BICC1: variants seen among roughly 807,000 people sequenced by gnomAD.
The protein encoded by BICC1 is BicC family RNA binding protein 1.
Under a neutral mutation model 111.0 loss-of-function variants are expected in BICC1, and 43 were observed. The observed-to-expected ratio is 0.39, with a 90% CI of 0.30 to 0.50. The LOEUF (loss-of-function observed/expected upper bound fraction) is 0.50. BICC1 is among the 20% of genes least tolerant of loss of function. BICC1 has a pLI of 0.88. For synonymous variants in BICC1, 467 were observed against 434.4 expected (o/e 1.07, Z -0.93); for missense variants, 1,091 against 1,203.2 (o/e 0.91, Z 1.38).
chr10:58,758,519 G>C (rs1448341029), intron 3 of BICC1, among the ~76,000 whole-genome samples: 2 of 152,278 alleles, frequency 1.3e-5, no homozygotes, highest in Non-Finnish European at 2.9e-5. Flanking sequence ...TATAAGGTCT[G>C]TGACAAAAAG....
intron 2 of BICC1, among the ~76,000 whole-genome samples, chr10:58,664,471 GT>G: frequency 4.6e-5 from 1 of 21,844 alleles, no homozygotes; most frequent in South Asian, 3.9e-3. Context: ...TCCTCAGTCT[GT>G]GGCTTTGTTC....
intron 1 of BICC1, among the ~76,000 whole-genome samples, chr10:58,604,193 G>A (rs1005361716): frequency 8.5e-5 from 13 of 152,116 alleles, no homozygotes; most frequent in Admixed American, 6.5e-5. Flanking sequence ...CTAGTATTGT[G>A]TGCCCAGTCC....
chr10:58,744,089 A>G (rs1476618800), intron 3 of BICC1, among the ~76,000 whole-genome samples: 1 of 152,190 alleles, frequency 6.6e-6, no homozygotes, highest in African/African-American at 2.4e-5. Flanking sequence ...TTTCAAAATC[A>G]TTGTTGAGCT....
At chr10:58,776,697 A>T (rs1842757491) in intron 3 of BICC1, among the ~76,000 whole-genome samples, 1 of 152,008 alleles carries the variant, frequency 6.6e-6, no homozygotes, top group Non-Finnish European at 1.5e-5. Context: ...TCCCTCTCAT[A>T]CTTATGTCAA....
At chr10:58,533,966 A>G (rs1842755296) in intron 1 of BICC1, among the ~76,000 whole-genome samples, 1 of 151,862 alleles carries the variant, frequency 6.6e-6, no homozygotes, top group Non-Finnish European at 1.5e-5. Context: ...TTCCCCAGTC[A>G]AAAGACATAC....
intron 1 of BICC1, among the ~76,000 whole-genome samples, chr10:58,533,601 A>G (rs1308292926): frequency 6.6e-6 from 1 of 151,888 alleles, no homozygotes; most frequent in East Asian, 1.9e-4. Context: ...GACTTTTAAA[A>G]GTGAAGAATA....
intron 1 of BICC1, among the ~76,000 whole-genome samples, chr10:58,522,478 G>A (rs939419887): frequency 1.3e-5 from 2 of 152,052 alleles, no homozygotes; most frequent in Non-Finnish European, 2.9e-5. Context: ...TGAAATGAAG[G>A]CAGAAATAAA....
chr10:58,651,916 T>C (rs1489736946), intron 2 of BICC1, among the ~76,000 whole-genome samples: 1 of 152,118 alleles, frequency 6.6e-6, no homozygotes, highest in Non-Finnish European at 1.5e-5. Flanking sequence ...GATAACAGGA[T>C]TAAGATGGTT....
At chr10:58,673,116 A>C (rs1839231381) in intron 2 of BICC1, among the ~76,000 whole-genome samples, 1 of 152,178 alleles carries the variant, frequency 6.6e-6, no homozygotes, top group African/African-American at 2.4e-5. Context: ...CTTCTTTGGA[A>C]ATTTTCATTA....
intron 3 of BICC1, among the ~76,000 whole-genome samples, chr10:58,735,560 A>G (rs1444010189): frequency 6.6e-6 from 1 of 151,862 alleles, no homozygotes; most frequent in African/African-American, 2.4e-5. Context: ...TATCGTAGTC[A>G]CTGGGCTAAG....
chr10:58,728,577 AC>A (rs1471292633), intron 3 of BICC1, among the ~76,000 whole-genome samples: 1 of 152,012 alleles, frequency 6.6e-6, no homozygotes, highest in Non-Finnish European at 1.5e-5. Flanking sequence ...TGCTATTTTG[AC>A]CTCCTCCTAT....
intron 1 of BICC1, among the ~76,000 whole-genome samples, chr10:58,542,512 A>G (rs1027216830): frequency 6.6e-6 from 1 of 152,282 alleles, no homozygotes; most frequent in Admixed American, 6.5e-5. Context: ...GCAAAAATAG[A>G]CAAATAGGAC....
chr10:58,809,419 T>G (rs932875253), intron 17 of BICC1, among the ~76,000 whole-genome samples: 4 of 152,108 alleles, frequency 2.6e-5, no homozygotes, highest in Non-Finnish European at 4.4e-5. Flanking sequence ...TTTGTATTTT[T>G]GGTAGAGTCG....
chr10:58,682,731 T>A (rs1281730902), intron 2 of BICC1, among the ~76,000 whole-genome samples: 2 of 152,248 alleles, frequency 1.3e-5, no homozygotes, highest in Non-Finnish European at 2.9e-5. Flanking sequence ...TGGGGTTGTT[T>A]GATTTTTTCT....
Position 58,789,318 on chromosome 10 carries a change from G to A in BICC1, c.657G>A (p.Pro219=), listed in dbSNP as rs779979885. Residue 219 remains proline (P), a synonymous_variant, in exon 7 of 21, where the codon CCG becomes CCA. Transcript: ENST00000373886. The stretch of plus-strand genomic sequence containing the variant: ...TACCAATTGCTGGAATTCTTCAACC[G>A]GTTCCTGATCCTAATTCCCCCTCTA... ...FELPIAGILQ[P]VPDPNSPSIQ... The A allele has an allele frequency of 1.8e-5, 29 of 1,613,764 alleles. No individual in the cohort carries two copies. The highest frequency in any genetic ancestry group is 1.6e-4 in the Middle Eastern group (1 of 6,080).
chr10:58,712,665 A>G (rs963592661), intron 3 of BICC1, among the ~76,000 whole-genome samples: 1 of 152,206 alleles, frequency 6.6e-6, no homozygotes, highest in African/African-American at 2.4e-5. Flanking sequence ...AAAACTTTGG[A>G]GACAGTAAAA....
At chr10:58,518,308 A>G (rs1019102947) in intron 1 of BICC1, among the ~76,000 whole-genome samples, 5 of 152,054 alleles carry the variant, frequency 3.3e-5, no homozygotes, top group Admixed American at 3.3e-4. Flanking sequence ...TTTTTTGAAG[A>G]AAATACTCTG....
intron 2 of BICC1, among the ~76,000 whole-genome samples, chr10:58,662,352 A>G (rs1461529359): frequency 6.6e-6 from 1 of 152,228 alleles, no homozygotes; most frequent in Non-Finnish European, 1.5e-5. Flanking sequence ...CCCAAATGAA[A>G]TAATCCTTTT....
chr10:58,670,855 T>A (rs771791592), intron 2 of BICC1, among the ~76,000 whole-genome samples: 9 of 152,154 alleles, frequency 5.9e-5, no homozygotes, highest in Non-Finnish European at 2.9e-5. Context: ...CCATACTCAT[T>A]AATAAAAAGG....
Sources: allele counts gnomAD v4.1 joint callset (sites outside exome capture counted in the v4.1 genomes callset), GRCh38; gene constraint gnomAD v4.1.1; transcripts MANE v1.5; gene names NCBI Gene and HGNC (gene_info 2026-07-23, HGNC 2026-07-21).